The following AP4E1 variants were observed in gnomAD, a reference collection of about 807,000 sequenced individuals.
AP4E1 encodes adaptor related protein complex 4 subunit epsilon 1.
Under a neutral mutation model 128.2 loss-of-function variants are expected in AP4E1, and 56 were observed. The ratio of observed to expected loss-of-function variants is 0.44; its 90% confidence interval spans 0.35 to 0.55. The LOEUF is 0.55. Ranked by LOEUF, AP4E1 falls within the 20% of genes least tolerant of loss-of-function variation. The probability of loss-of-function intolerance (pLI) is 0.00; values close to 1 mark genes in which losing one functional copy is unlikely to be tolerated. For synonymous variants in AP4E1, 484 were observed against 473.1 expected (o/e 1.02, Z -0.30); for missense variants, 1,324 against 1,307.7 (o/e 1.01, Z -0.19).
At position 50,909,075 on chromosome 15, in the gene AP4E1, C is replaced by G. The variant is rs998463779; in HGVS notation, c.150+147C>G. On this transcript the variant is annotated intron_variant, in intron 1 of 20. Coordinates refer to ENST00000261842, the MANE Select transcript of AP4E1 (RefSeq NM_007347.5). ...CTGCTGTGTCGGTTCGTCCTTTCGTCTGCCTGGAAGCTTCACTTTCCTGCT... is the reference window on the plus strand; with the variant it reads ...CTGCTGTGTCGGTTCGTCCTTTCGTGTGCCTGGAAGCTTCACTTTCCTGCT... 12 of 1,342,748 alleles carry G rather than the reference C, an allele frequency of 8.9e-6. No individual in the cohort carries two copies. In the African/African-American group the frequency reaches 1.3e-4, roughly 15 times the overall value. The allele number at this position is 1,342,748 out of a possible 1,614,324, so 83.2% of individuals were successfully genotyped here.
chr15:50,977,209 A>G (rs1454355013), intron 15 of AP4E1, among the ~76,000 whole-genome samples: 1 of 152,078 alleles, frequency 6.6e-6, no homozygotes, highest in Non-Finnish European at 1.5e-5. Context: ...ATACTTCCTT[A>G]TTTTCAGGTA....
At chr15:50,928,834 C>A (rs950984198) in intron 5 of AP4E1, among the ~76,000 whole-genome samples, 175 bp from the exon 6 acceptor site, 2 of 151,224 alleles carry the variant, frequency 1.3e-5, no homozygotes, top group Admixed American at 1.3e-4. Context: ...GAGGTAACCA[C>A]TTTTTATAAT....
chr15:50,929,475 A>G (rs2071429356), intron 6 of AP4E1, among the ~76,000 whole-genome samples: 1 of 151,970 alleles, frequency 6.6e-6, no homozygotes, highest in Admixed American at 6.6e-5. Flanking sequence ...TCTCTTTTAT[A>G]TAACTTCATG....
chr15:50,997,728 A>G lies in AP4E1; in HGVS notation c.2749A>G (p.Asn917Asp), dbSNP rs368860673. Residue 917 changes from asparagine (N) to aspartate (D), a missense_variant, in exon 18 of 21, where the codon AAT (asparagine) becomes GAT (aspartate). Coordinates refer to ENST00000261842, the MANE Select transcript of AP4E1 (RefSeq NM_007347.5). ...LEETTEYIHSNAMEVCNNETI... is the reference protein window; with the variant it reads ...LEETTEYIHSDAMEVCNNETI... ...AGAAACTACTGAATACATACACTCAAATGCTATGGAAGTCTGTAATAATGA... is the reference window on the plus strand; with the variant it reads ...AGAAACTACTGAATACATACACTCAGATGCTATGGAAGTCTGTAATAATGA... 2 of 1,613,964 alleles carry G rather than the reference A, an allele frequency of 1.2e-6. No individual in the cohort carries two copies. The highest frequency in any genetic ancestry group is 2.7e-5 in the African/African-American group (2 of 75,046).
rs528384984 is a variant in AP4E1 at position 50,918,815 on chromosome 15, C to CTTTT, written c.346+3245_346+3248dup. Among the ~76,000 whole-genome samples, 43 of 152,248 alleles carry CTTTT rather than the reference C, an allele frequency of 2.8e-4. No homozygotes were observed. In the South Asian group the frequency reaches 8.1e-3, roughly 29 times the overall value. On this transcript the variant is annotated intron_variant, in intron 3 of 20. Transcript: ENST00000261842. ...TATACCTTGTTTTGACATCTTTATA[C>CTTTT]TTTTATACAGTTGCATAATTTTTAT...
At chr15:50,928,951 C>T (rs992583914) in intron 5 of AP4E1, 58 bp from the exon 6 acceptor site, 1 of 1,561,204 alleles carries the variant, frequency 6.4e-7, no homozygotes, top group Non-Finnish European at 8.8e-7. Context: ...TATAATCTTT[C>T]AAAGTAAATA....
intron 10 of AP4E1, 134 bp from the exon 11 acceptor site, chr15:50,947,886 C>A: frequency 1.4e-6 from 1 of 697,170 alleles, no homozygotes; most frequent in Non-Finnish European, 2.3e-6. Context: ...GCATTTCTTA[C>A]CTGTTAACTG....
chr15:50,955,997 G>C (rs7168846), intron 13 of AP4E1, among the ~76,000 whole-genome samples: 65,953 of 151,986 alleles, frequency 0.43, 14,510 homozygotes, highest in East Asian at 0.59. Context: ...GCAGGCTCCT[G>C]TTGGGGCTTT....
At chr15:50,948,297 C>G in intron 11 of AP4E1, 138 bp downstream of exon 11, 1 of 986,054 alleles carries the variant, frequency 1.0e-6, no homozygotes. Flanking sequence ...TCAAGCCTCT[C>G]TTGTCAGAAA....
At chr15:50,908,659 A>G, upstream of AP4E1, 1 of 1,244,958 alleles carries the variant, frequency 8.0e-7, no homozygotes, top group Non-Finnish European at 1.0e-6. Context: ...ACGCCAATAA[A>G]GATTTCTTAT....
Position 50,999,099 on chromosome 15 carries a change from C to G in AP4E1, c.2932C>G (p.Pro978Ala). The G allele has an allele frequency of 6.2e-7, 1 of 1,613,920 alleles. No individual in the cohort carries two copies. Among genetic ancestry groups the G allele is most frequent in the Non-Finnish European group, 8.5e-7 (1 of 1,179,946 alleles). ...GACTGAGCAACCTGGATGCTGTTTGCCTGTAATGGAAGCAGAAAGCACCAA... is the reference window on the plus strand; with the variant it reads ...GACTGAGCAACCTGGATGCTGTTTGGCTGTAATGGAAGCAGAAAGCACCAA... ...KVTEQPGCCLPVMEAESTKSF... is the reference protein window; with the variant it reads ...KVTEQPGCCLAVMEAESTKSF... Residue 978 changes from proline (P) to alanine (A), a missense_variant, in exon 19 of 21, where the codon CCT (proline) becomes GCT (alanine). Transcript: ENST00000261842.
chr15:51,001,588 C>G (rs1043720986), intron 20 of AP4E1, among the ~76,000 whole-genome samples: 3 of 152,130 alleles, frequency 2.0e-5, no homozygotes, highest in Non-Finnish European at 4.4e-5. Flanking sequence ...TGTTAGGTAC[C>G]TTATATAAGT....
chr15:50,912,052 G>T, intron 1 of AP4E1, 26 bp from the exon 2 acceptor site: 1 of 1,560,882 alleles, frequency 6.4e-7, no homozygotes. Context: ...AGTTAATCAA[G>T]CATTTAAATA....
chr15:50,946,560 G>T (rs192508958), intron 10 of AP4E1, among the ~76,000 whole-genome samples: 2 of 149,614 alleles, frequency 1.3e-5, no homozygotes, highest in Non-Finnish European at 3.0e-5. Flanking sequence ...TCCTTTCAGC[G>T]TTGAAAAAAA....
chr15:50,994,339 A>G (rs185554130), intron 17 of AP4E1, among the ~76,000 whole-genome samples: 2 of 152,258 alleles, frequency 1.3e-5, no homozygotes, highest in East Asian at 1.9e-4. Context: ...TTTGGTGGCT[A>G]ATGAACCCAC....
At chr15:50,927,431 AC>A (rs1269175399) in intron 5 of AP4E1, among the ~76,000 whole-genome samples, 5 of 151,734 alleles carry the variant, frequency 3.3e-5, no homozygotes, top group Admixed American at 3.3e-4. Flanking sequence ...CAGCATACCA[AC>A]CCCAGAGCCT....
intron 3 of AP4E1, 82 bp downstream of exon 3, chr15:50,915,653 A>G (rs1232758897): frequency 6.8e-7 from 1 of 1,469,588 alleles, no homozygotes; most frequent in Admixed American, 1.7e-5. Flanking sequence ...GATGGCATGT[A>G]TATAGTATGT....
intron 13 of AP4E1, 152 bp downstream of exon 13, chr15:50,950,321 A>C: frequency 1.7e-6 from 1 of 598,282 alleles, no homozygotes; most frequent in Non-Finnish European, 2.9e-6. Context: ...TTAACTATTT[A>C]CTTTGTTTTT....
At position 51,005,478 on chromosome 15, in the gene AP4E1, G is replaced by A. The variant is rs2065007783; in HGVS notation, c.*2816G>A. 1 of 152,704 alleles carries A rather than the reference G, an allele frequency of 6.5e-6. No homozygotes were observed. Among genetic ancestry groups the A allele is most frequent in the Non-Finnish European group, 1.5e-5 (1 of 68,086 alleles). 9.5% of individuals were successfully genotyped at this position (152,704 alleles called of 1,614,324 possible). A position where few individuals can be genotyped will look rare whatever the true frequency, so the allele number is the denominator to read the frequency against. The stretch of plus-strand genomic sequence containing the variant: ...GTGGGCCTGAGTAAGGGTCCTGCTA[G>A]AGAAACTGCAGATGGAAGCTGAGCA... On this transcript the variant is annotated 3_prime_UTR_variant, in exon 21 of 21. Transcript: ENST00000261842.
Sources: gnomAD v4.1 joint callset for allele counts (sites outside exome capture counted in the v4.1 genomes callset) on GRCh38, gnomAD v4.1.1 for gene constraint, MANE v1.5 for transcripts, NCBI Gene and HGNC (gene_info 2026-07-23, HGNC 2026-07-21) for gene names.